SPAG9: variants seen among roughly 807,000 people sequenced by gnomAD.
SPAG9 encodes the protein C-Jun-amino-terminal kinase-interacting protein 4.
A neutral mutation model predicts 166.5 loss-of-function variants in SPAG9; 35 were observed. The observed-to-expected ratio is 0.21, with a 90% confidence interval of 0.16 to 0.28. SPAG9 has a LOEUF of 0.28. Ranked by LOEUF, SPAG9 falls within the 10% of genes least tolerant of loss-of-function variation. The probability of loss-of-function intolerance (pLI) is 1.00; values close to 1 mark genes in which losing one functional copy is unlikely to be tolerated. For synonymous variants in SPAG9, 534 were observed against 565.5 expected (o/e 0.94, Z 0.79); for missense variants, 1,235 against 1,603.3 (o/e 0.77, Z 3.92).
At chr17:51,066,584 C>T (rs890559548) in intron 2 of SPAG9, among the ~76,000 whole-genome samples, 6 of 60,838 alleles carry the variant, frequency 9.9e-5, no homozygotes, top group African/African-American at 4.5e-4. Context: ...AAAAAAAAGA[C>T]CATGGCTCAC....
chr17:51,044,972 ATAAG>A (rs1332869414), intron 4 of SPAG9, among the ~76,000 whole-genome samples: 1 of 152,248 alleles, frequency 6.6e-6, no homozygotes, highest in Non-Finnish European at 1.5e-5. Flanking sequence ...ATGGACACAT[ATAAG>A]TAACTGAAAA....
At chr17:51,077,009 GCTAGCTAGCTATCTAGCTAT>G (rs1383839672) in intron 2 of SPAG9, among the ~76,000 whole-genome samples, 8 of 69,452 alleles carry the variant, frequency 1.2e-4, no homozygotes, top group African/African-American at 1.8e-4. Flanking sequence ...TATCTAGCTA[GCTAGCTAGCTATCTAGCTAT>G]CTATCTAGCT....
intron 2 of SPAG9, among the ~76,000 whole-genome samples, chr17:51,072,145 C>T (rs956441013): frequency 1.3e-5 from 2 of 151,976 alleles, no homozygotes; most frequent in Admixed American, 1.3e-4. Flanking sequence ...GATCTTGGCT[C>T]AATGCAACCT....
rs149436108 is a variant in SPAG9 at position 51,108,200 on chromosome 17, A to C, written c.303+12154T>G. On this transcript the variant is annotated intron_variant, in intron 1 of 29. Transcript: ENST00000262013. ...TTGCAAGTTCAAGACCAGCATGGTCAACATGGCAAAACCCCGTCTCTACTA... is the reference window on the plus strand; with the variant it reads ...TTGCAAGTTCAAGACCAGCATGGTCCACATGGCAAAACCCCGTCTCTACTA... Among the ~76,000 whole-genome samples, 1,085 of 152,130 alleles carry C rather than the reference A, an allele frequency of 7.1e-3. 16 individuals carry two copies. The highest frequency in any genetic ancestry group is 0.024 in the African/African-American group (1,006 of 41,522).
In SPAG9 at chr17:50,993,788, C is replaced by T. The variant is rs1975821259; in HGVS notation, c.2374G>A (p.Val792Ile). ...CCTGGCACACTTGCAATGCACAGAA[C>T]ATGAGAGTTGCAAACAGTGAAACTG... ...LDSFTVCNSHVLCIASVPGAR... is the reference protein window; with the variant it reads ...LDSFTVCNSHILCIASVPGAR... Residue 792 changes from valine to isoleucine, a missense_variant, in exon 19 of 30, where the codon GTT becomes ATT. Around this residue, in one of 6 missense-constraint regions of SPAG9, gnomAD observed 493 missense variants for 559.4 expected, o/e 0.88. Coordinates refer to ENST00000262013, the MANE Select transcript of SPAG9 (RefSeq NM_001130528.3). 1 of 1,614,146 alleles carries T rather than the reference C, an allele frequency of 6.2e-7. No homozygotes were observed. The highest frequency in any genetic ancestry group is 1.3e-5 in the African/African-American group (1 of 75,054).
intron 7 of SPAG9, among the ~76,000 whole-genome samples, chr17:51,020,493 A>G (rs2045898142): frequency 6.6e-6 from 1 of 152,236 alleles, no homozygotes. Context: ...TGGAACACAC[A>G]GTACAATGTA....
At chr17:50,970,512 CAA>C (rs369375320) in intron 29 of SPAG9, among the ~76,000 whole-genome samples, 193 bp downstream of exon 29, 8 of 73,466 alleles carry the variant, frequency 1.1e-4, no homozygotes, top group Non-Finnish European at 1.0e-4. Flanking sequence ...GACGTCATCT[CAA>C]AAAAAAAAAA....
chr17:51,037,081 G>A (rs1378598966), intron 5 of SPAG9, among the ~76,000 whole-genome samples: 1 of 151,974 alleles, frequency 6.6e-6, no homozygotes, highest in East Asian at 1.9e-4. Flanking sequence ...TCCATTCTCA[G>A]TCTTAGCCCA....
At chr17:51,053,609 C>T (rs1043984935) in intron 3 of SPAG9, among the ~76,000 whole-genome samples, 26 of 151,272 alleles carry the variant, frequency 1.7e-4, no homozygotes, top group Non-Finnish European at 3.5e-4. Flanking sequence ...CGCTTGAACC[C>T]AGGAGGCGGA....
At chr17:51,031,441 A>G in intron 6 of SPAG9, 2 of 525,662 alleles carry the variant, frequency 3.8e-6, no homozygotes, top group Non-Finnish European at 6.8e-6. Context: ...CACAGAATTT[A>G]CTTATATTTT....
At chr17:51,097,266 A>G (rs1342171948) in intron 1 of SPAG9, among the ~76,000 whole-genome samples, 1 of 152,224 alleles carries the variant, frequency 6.6e-6, no homozygotes, top group African/African-American at 2.4e-5. Context: ...AACAGTAAAC[A>G]TAACTGTTTC....
At chr17:51,023,534 GC>G (rs1336426962) in intron 6 of SPAG9, among the ~76,000 whole-genome samples, 7 of 151,848 alleles carry the variant, frequency 4.6e-5, no homozygotes, top group Admixed American at 4.6e-4. Context: ...AAATAAATTT[GC>G]CCAGAGAAAG....
intron 1 of SPAG9, among the ~76,000 whole-genome samples, chr17:51,091,729 AC>A (rs1245706950): frequency 6.6e-6 from 1 of 151,356 alleles, no homozygotes; most frequent in Non-Finnish European, 1.5e-5. Context: ...TTCACTAAAT[AC>A]CCCTCTTCCC....
At chr17:51,022,213 G>T (rs971154976) in intron 6 of SPAG9, among the ~76,000 whole-genome samples, 4 of 151,568 alleles carry the variant, frequency 2.6e-5, no homozygotes, top group African/African-American at 9.7e-5. Flanking sequence ...GATCCCTTGA[G>T]CCCAACAAGA....
chr17:51,077,175 G>A (rs1465620941), intron 2 of SPAG9, among the ~76,000 whole-genome samples: 1 of 151,650 alleles, frequency 6.6e-6, no homozygotes, highest in Non-Finnish European at 1.5e-5. Flanking sequence ...CCCAGGCCAA[G>A]TGTAGTGGTG....
chr17:51,020,593 C>T (rs1197190527), intron 7 of SPAG9, among the ~76,000 whole-genome samples: 2 of 152,298 alleles, frequency 1.3e-5, no homozygotes, highest in East Asian at 1.9e-4. Context: ...CAGAAAAGAA[C>T]TGTCCTCCCG....
At chr17:50,984,576 C>T (rs1974890470) in intron 24 of SPAG9, among the ~76,000 whole-genome samples, 1 of 152,124 alleles carries the variant, frequency 6.6e-6, no homozygotes, top group Non-Finnish European at 1.5e-5. Context: ...AGTCCAGCTA[C>T]TCGGGAGGCT....
intron 5 of SPAG9, among the ~76,000 whole-genome samples, 156 bp downstream of exon 5, chr17:51,041,345 T>C (rs957952538): frequency 1.3e-5 from 2 of 152,220 alleles, no homozygotes; most frequent in African/African-American, 4.8e-5. Flanking sequence ...ACACACTCTT[T>C]GGTAAGAGCT....
chr17:51,107,650 T>C (rs888136502), intron 1 of SPAG9, among the ~76,000 whole-genome samples: 1 of 151,338 alleles, frequency 6.6e-6, no homozygotes, highest in Non-Finnish European at 1.5e-5. Flanking sequence ...GGCAGGAGAA[T>C]TGCTTGAACC....
Sources: gnomAD v4.1 joint callset for allele counts (sites outside exome capture counted in the v4.1 genomes callset) on GRCh38, gnomAD v4.1.1 for gene constraint, gnomAD v4.1.1 regional missense constraint, MANE v1.5 for transcripts, NCBI Gene and HGNC (gene_info 2026-07-23, HGNC 2026-07-21) for gene names.